Variants in NDUFA5 observed in about 807,000 individuals in gnomAD.
NDUFA5 encodes the protein NADH:ubiquinone oxidoreductase subunit A5.
NDUFA5 carries 11 observed loss-of-function variants against 19.8 expected under a neutral mutation model. The observed-to-expected ratio is 0.56, with a 90% CI of 0.35 to 0.92. The LOEUF (loss-of-function observed/expected upper bound fraction) is 0.92. Ranked by LOEUF, NDUFA5 falls within the 40% of genes least tolerant of loss-of-function variation. The probability of loss-of-function intolerance (pLI) is 0.01; values close to 1 mark genes in which losing one functional copy is unlikely to be tolerated. For synonymous variants in NDUFA5, 47 were observed against 46.8 expected, an observed-to-expected ratio of 1.00 and a Z score of -0.01; for missense variants, 109 against 134.2, an observed-to-expected ratio of 0.81 and a Z score of 0.93.
At chr7:123,567,908 G>C in the NDUFA5 span, among the ~76,000 whole-genome samples, 2 of 151,504 alleles carry the variant, frequency 1.3e-5, no homozygotes, top group African/African-American at 4.8e-5. Context: ...CATCTCTTGT[G>C]CCTCCATCCA....
the NDUFA5 span, among the ~76,000 whole-genome samples, chr7:123,570,136 A>G: frequency 6.9e-6 from 1 of 144,188 alleles, no homozygotes; most frequent in African/African-American, 2.6e-5. Flanking sequence ...CCGGGTTCAC[A>G]CCATTCTCCT....
chr7:123,592,721 G>A, the NDUFA5 span, among the ~76,000 whole-genome samples: 3 of 152,058 alleles, frequency 2.0e-5, no homozygotes, highest in African/African-American at 4.8e-5. Context: ...GGTCAATTTC[G>A]GAATAAGTGC....
At chr7:123,556,677 C>T (rs1169363684) in intron 2 of NDUFA5, 1 of 366,474 alleles carries the variant, frequency 2.7e-6, no homozygotes, top group African/African-American at 2.2e-5. Flanking sequence ...GATTTGGCAA[C>T]ATGGAGATAA....
At chr7:123,555,708 G>A (rs572204962) in intron 2 of NDUFA5, 2 of 152,316 alleles carry the variant, frequency 1.3e-5, no homozygotes, top group South Asian at 4.1e-4. Context: ...CTATGTGACA[G>A]AGTTCTAGCA....
At chr7:123,582,880 C>A in the NDUFA5 span, among the ~76,000 whole-genome samples, 1 of 151,936 alleles carries the variant, frequency 6.6e-6, no homozygotes, top group African/African-American at 2.4e-5. Flanking sequence ...CAGTATTATT[C>A]AAAGAGGAAT....
At chr7:123,561,172 A>G (rs1165738384), upstream of NDUFA5, among the ~76,000 whole-genome samples, 1 of 152,230 alleles carries the variant, frequency 6.6e-6, no homozygotes, top group Non-Finnish European at 1.5e-5. Flanking sequence ...GAAATTTTTC[A>G]CAAAAGATTT....
At chr7:123,591,649 C>T in the NDUFA5 span, among the ~76,000 whole-genome samples, 3 of 152,114 alleles carry the variant, frequency 2.0e-5, no homozygotes, top group African/African-American at 7.2e-5. Context: ...GGGATGAAGC[C>T]AACTTGATCG....
chr7:123,578,568 A>C, the NDUFA5 span, among the ~76,000 whole-genome samples: 2 of 152,114 alleles, frequency 1.3e-5, no homozygotes, highest in South Asian at 4.2e-4. Flanking sequence ...TCTAACTATT[A>C]TCACCAGACT....
chr7:123,550,329 G>A (rs1798286050), intron 3 of NDUFA5, 141 bp downstream of exon 3: 3 of 626,944 alleles, frequency 4.8e-6, no homozygotes, highest in Non-Finnish European at 8.5e-6. Flanking sequence ...AGAGTTTGCT[G>A]AATAAAAGGG....
At chr7:123,598,126 C>A in the NDUFA5 span, among the ~76,000 whole-genome samples, 1 of 152,056 alleles carries the variant, frequency 6.6e-6, no homozygotes, top group African/African-American at 2.4e-5. Flanking sequence ...AAATGTGTGT[C>A]TGTATATATA....
chr7:123,595,104 C>T, the NDUFA5 span, among the ~76,000 whole-genome samples: 1 of 152,202 alleles, frequency 6.6e-6, no homozygotes, highest in African/African-American at 2.4e-5. Context: ...ACGTGGAACT[C>T]GCTGAGCCAG....
At chr7:123,592,732 G>A in the NDUFA5 span, among the ~76,000 whole-genome samples, 4 of 152,292 alleles carry the variant, frequency 2.6e-5, no homozygotes, top group South Asian at 6.2e-4. Flanking sequence ...GAATAAGTGC[G>A]ATGTGGTGCT....
At chr7:123,579,561 C>G in the NDUFA5 span, among the ~76,000 whole-genome samples, 2 of 152,030 alleles carry the variant, frequency 1.3e-5, no homozygotes, top group East Asian at 1.9e-4. Context: ...CCACTGTAGC[C>G]TGAGGGCTTA....
chr7:123,553,960 A>T (rs918011128), intron 2 of NDUFA5, among the ~76,000 whole-genome samples: 2 of 152,222 alleles, frequency 1.3e-5, no homozygotes, highest in Admixed American at 1.3e-4. Context: ...AGAAACTTAA[A>T]TGATATTGGA....
chr7:123,571,273 C>T, the NDUFA5 span, among the ~76,000 whole-genome samples: 1 of 152,296 alleles, frequency 6.6e-6, no homozygotes, highest in Admixed American at 6.5e-5. Flanking sequence ...GATTATTATT[C>T]AGTATTAAGT....
chr7:123,596,888 G>A, the NDUFA5 span, among the ~76,000 whole-genome samples: 9 of 152,208 alleles, frequency 5.9e-5, no homozygotes, highest in Non-Finnish European at 1.3e-4. Flanking sequence ...ATTTACTTTG[G>A]TTGCCAATAT....
At chr7:123,600,955 G>T in the NDUFA5 span, among the ~76,000 whole-genome samples, 1 of 152,072 alleles carries the variant, frequency 6.6e-6, no homozygotes, top group Non-Finnish European at 1.5e-5. Flanking sequence ...AATCCAATGA[G>T]GGTTTGTAAA....
the NDUFA5 span, among the ~76,000 whole-genome samples, chr7:123,591,884 T>C: frequency 5.2e-3 from 798 of 152,226 alleles, 4 homozygotes; most frequent in African/African-American, 0.018. Flanking sequence ...GTACCAGCTT[T>C]TCTTTGTACC....
the NDUFA5 span, among the ~76,000 whole-genome samples, chr7:123,590,184 T>C: frequency 6.6e-6 from 1 of 152,154 alleles, no homozygotes. Flanking sequence ...TTTTTTCCTG[T>C]AAATTTGTTT....
Sources: allele counts gnomAD v4.1 joint callset (sites outside exome capture counted in the v4.1 genomes callset), GRCh38; gene constraint gnomAD v4.1.1; transcripts MANE v1.5; gene names NCBI Gene and HGNC (gene_info 2026-07-23, HGNC 2026-07-21).